Variants in ATP6V0A4 observed in about 807,000 individuals in gnomAD.
ATP6V0A4 encodes ATPase H+ transporting V0 subunit a4, also known as V-type proton ATPase 116 kDa subunit a 4.
A neutral mutation model predicts 107.3 loss-of-function variants in ATP6V0A4; 86 were observed. The observed-to-expected ratio is 0.80, with a 90% CI of 0.67 to 0.96. ATP6V0A4 has a LOEUF of 0.96. Among genes scored for constraint, ATP6V0A4 ranks in the 40% least tolerant of loss-of-function variants. The pLI is 0.00. For synonymous variants in ATP6V0A4, 353 were observed against 381.4 expected, an observed-to-expected ratio of 0.93 and a Z score of 0.87; for missense variants, 908 against 1,045.6, an observed-to-expected ratio of 0.87 and a Z score of 1.81.
chr7:138,763,265 T>C (rs1007672777), intron 5 of ATP6V0A4, among the ~76,000 whole-genome samples: 11 of 152,196 alleles, frequency 7.2e-5, no homozygotes, highest in Non-Finnish European at 1.0e-4. Context: ...AGGAAGTACT[T>C]GGAGGAGTGG....
intron 14 of ATP6V0A4, 102 bp downstream of exon 14, chr7:138,745,021 C>T: frequency 9.2e-7 from 1 of 1,089,726 alleles, no homozygotes. Flanking sequence ...TTTTCAAGTG[C>T]ACCTCTGAGT....
At chr7:138,712,359 G>A (rs1361730611) in intron 20 of ATP6V0A4, among the ~76,000 whole-genome samples, 1 of 152,176 alleles carries the variant, frequency 6.6e-6, no homozygotes, top group Non-Finnish European at 1.5e-5. Context: ...GTCTAAATAA[G>A]ACAGGAGGAA....
intron 17 of ATP6V0A4, 48 bp from the exon 18 acceptor site, chr7:138,728,910 A>G: frequency 6.2e-7 from 1 of 1,613,214 alleles, no homozygotes; most frequent in Non-Finnish European, 8.5e-7. Context: ...ATGGCAGAAC[A>G]GCACACTTTA....
At chr7:138,720,242 G>A (rs749679178) in intron 19 of ATP6V0A4, among the ~76,000 whole-genome samples, 39 of 152,120 alleles carry the variant, frequency 2.6e-4, no homozygotes, top group African/African-American at 5.8e-4. Context: ...TAACCCTACC[G>A]TGGAGAGAAG....
chr7:138,769,402 C>T (rs1448544756), intron 3 of ATP6V0A4, 151 bp from the exon 4 acceptor site: 1 of 1,270,100 alleles, frequency 7.9e-7, no homozygotes, highest in Non-Finnish European at 1.1e-6. Context: ...GTAACCTCCA[C>T]CTCCTGGGTT....
At chr7:138,782,040 G>A (rs1807951929) in intron 2 of ATP6V0A4, among the ~76,000 whole-genome samples, 1 of 152,146 alleles carries the variant, frequency 6.6e-6, no homozygotes, top group Non-Finnish European at 1.5e-5. Flanking sequence ...CCACTAGCCT[G>A]GGGACCGCAG....
chr7:138,771,333 T>G (rs1433737326), intron 2 of ATP6V0A4, 69 bp from the exon 3 acceptor site: 2 of 1,544,554 alleles, frequency 1.3e-6, no homozygotes, highest in African/African-American at 2.8e-5. Flanking sequence ...AGGGTGAAAT[T>G]TTTAAGTTAA....
At chr7:138,766,225 C>A (rs1419909996) in intron 5 of ATP6V0A4, among the ~76,000 whole-genome samples, 1 of 132,954 alleles carries the variant, frequency 7.5e-6, no homozygotes. Context: ...TTTTTGGAAA[C>A]ACAGTCTTGC....
At chr7:138,746,982 A>G (rs1805982816) in intron 13 of ATP6V0A4, among the ~76,000 whole-genome samples, 2 of 152,206 alleles carry the variant, frequency 1.3e-5, no homozygotes, top group African/African-American at 2.4e-5. Context: ...TTAAGTAAAA[A>G]CACTACAAAT....
At chr7:138,738,739 G>A (rs1362018242) in intron 15 of ATP6V0A4, among the ~76,000 whole-genome samples, 1 of 152,162 alleles carries the variant, frequency 6.6e-6, no homozygotes, top group African/African-American at 2.4e-5. Flanking sequence ...CTGTAAGATG[G>A]GAGAGACTGG....
rs191358038 is a variant in ATP6V0A4 at position 138,784,598 on chromosome 7, G to A, written c.-18+1560C>T. Among the ~76,000 whole-genome samples the A allele has an allele frequency of 1.2e-3, 189 of 152,064 alleles. 1 individual carries two copies. The highest frequency in any genetic ancestry group is 4.4e-3 in the African/African-American group (184 of 41,448). On this transcript the variant is annotated intron_variant, in intron 2 of 21. Transcript: ENST00000310018. ...CTCCCAAAGTGCTGGGATTATAGGCGTGAGCCACTGCGCCTGGCCTAAACA... is the reference window on the plus strand; with the variant it reads ...CTCCCAAAGTGCTGGGATTATAGGCATGAGCCACTGCGCCTGGCCTAAACA...
At chr7:138,767,905 G>A (rs374326682) in intron 5 of ATP6V0A4, among the ~76,000 whole-genome samples, 2 of 152,054 alleles carry the variant, frequency 1.3e-5, no homozygotes, top group African/African-American at 2.4e-5. Flanking sequence ...TACCTTGCAC[G>A]TGGCAGGTAT....
intron 18 of ATP6V0A4, 123 bp from the exon 19 acceptor site, chr7:138,722,148 C>G: frequency 1.3e-6 from 2 of 1,483,188 alleles, no homozygotes; most frequent in Non-Finnish European, 1.8e-6. Context: ...CTAAACACTA[C>G]ACTATCTCAT....
At chr7:138,708,410 G>A (rs574961021) in intron 21 of ATP6V0A4, among the ~76,000 whole-genome samples, 244 of 152,230 alleles carry the variant, frequency 1.6e-3, no homozygotes, top group African/African-American at 5.6e-3. Flanking sequence ...GGGGAATGAC[G>A]TCATCATGGA....
At chr7:138,708,017 T>TTTTTTTTA (rs1554386308) in intron 21 of ATP6V0A4, among the ~76,000 whole-genome samples, 24 of 140,000 alleles carry the variant, frequency 1.7e-4, no homozygotes, top group African/African-American at 3.8e-4. Context: ...TTATGTTTTA[T>TTTTTTTTA]TTTATTTATT....
At chr7:138,729,536 G>A (rs1172236228) in intron 17 of ATP6V0A4, among the ~76,000 whole-genome samples, 1 of 152,112 alleles carries the variant, frequency 6.6e-6, no homozygotes. Context: ...GGCCTCTGCT[G>A]AAACCCTGGA....
chr7:138,733,210 C>T (rs1805118044), intron 16 of ATP6V0A4, 117 bp from the exon 17 acceptor site: 1 of 1,509,218 alleles, frequency 6.6e-7, no homozygotes, highest in Non-Finnish European at 8.9e-7. Context: ...TTTTGCACTA[C>T]TGGCAAACAA....
Position 138,749,173 on chromosome 7 carries a change from T to C in ATP6V0A4, c.1174A>G (p.Asn392Asp), listed in dbSNP as rs1806104296. The change falls in exon 12 of 22, where the codon AAC becomes GAC. Residue 392 changes from asparagine (N) to aspartate (D), a missense_variant. Transcript: ENST00000310018. ...AYGVGSYREI[N>D]PAPYTIITFP... ...CAGTTCATCAGATCTTTACCTGGGT[T>C]TATCTCCCGGTAGCTGCCGACACCA... 1 of 1,614,064 alleles carries C rather than the reference T, an allele frequency of 6.2e-7. No individual in the cohort carries two copies. Among genetic ancestry groups the C allele is most frequent in the Non-Finnish European group, 8.5e-7 (1 of 1,180,014 alleles).
intron 6 of ATP6V0A4, 115 bp from the exon 7 acceptor site, chr7:138,762,549 T>C: frequency 6.5e-7 from 1 of 1,529,104 alleles, no homozygotes; most frequent in East Asian, 2.4e-5. Flanking sequence ...CACAAAAAGT[T>C]AACAGAAGTC....
Sources: gnomAD v4.1 joint callset for allele counts (sites outside exome capture counted in the v4.1 genomes callset) on GRCh38, gnomAD v4.1.1 for gene constraint, MANE v1.5 for transcripts, NCBI Gene and HGNC (gene_info 2026-07-23, HGNC 2026-07-21) for gene names.